The following RNF128 variants were observed in gnomAD, a reference collection of about 807,000 sequenced individuals.
RNF128 encodes E3 ubiquitin-protein ligase RNF128.
In RNF128, 13 loss-of-function variants were observed where a neutral mutation model predicts 26.2. The observed-to-expected ratio is 0.50, with a 90% CI of 0.32 to 0.79. The LOEUF is 0.79. Ranked by LOEUF, RNF128 falls within the 30% of genes least tolerant of loss-of-function variation. RNF128 has a pLI of 0.03. For synonymous variants in RNF128, 149 were observed against 142.5 expected (o/e 1.05, Z -0.32); for missense variants, 315 against 349.7 (o/e 0.90, Z 0.79).
At chrX:106,726,657 G>A (rs1024467456), upstream of RNF128, 4 of 983,171 alleles carry the variant, frequency 4.1e-6, no homozygotes, top group East Asian at 4.6e-5. Context: ...CCAGTCGGCT[G>A]GGCGGAGCTT....
chrX:106,743,310 T>C (rs975216856), intron 1 of RNF128, among the ~76,000 whole-genome samples: 4 of 112,424 alleles, frequency 3.6e-5, no homozygotes, highest in Non-Finnish European at 7.5e-5. Context: ...ACTTTTCTAA[T>C]GGGATCAATG....
chrX:106,705,850 G>T (rs1292777381), intron 1 of RNF128, among the ~76,000 whole-genome samples: 1 of 111,677 alleles, frequency 9.0e-6, no homozygotes, highest in Non-Finnish European at 1.9e-5. Context: ...AAAAAGCCAG[G>T]ATATGCAAAA....
At chrX:106,693,983 T>C (rs770659029) in exon 1 of RNF128, 62 of 1,161,827 alleles carry the variant, frequency 5.3e-5, no homozygotes, top group Middle Eastern at 2.4e-4. Context: ...TCTTAAATTT[T>C]ATACTCAAAT....
exon 1 of RNF128, chrX:106,694,026 T>G: frequency 1.7e-6 from 2 of 1,177,805 alleles, no homozygotes; most frequent in South Asian, 2.0e-5. Flanking sequence ...ATAGGTCCAG[T>G]TTTTTTTGGC....
intron 1 of RNF128, among the ~76,000 whole-genome samples, chrX:106,712,997 C>A (rs1929154601): frequency 9.3e-6 from 1 of 107,326 alleles, no homozygotes; most frequent in Non-Finnish European, 1.9e-5. Flanking sequence ...TCTCCCGCCT[C>A]AGCCACCCCA....
At chrX:106,777,265 A>G (rs963134985) in intron 2 of RNF128, among the ~76,000 whole-genome samples, 2 of 112,184 alleles carry the variant, frequency 1.8e-5, no homozygotes, top group Non-Finnish European at 3.8e-5. Flanking sequence ...TTAGTTCATT[A>G]CTATATTAAA....
intron 2 of RNF128, among the ~76,000 whole-genome samples, chrX:106,783,976 C>T (rs1021552434): frequency 3.6e-5 from 4 of 111,223 alleles, no homozygotes; most frequent in African/African-American, 1.3e-4. Flanking sequence ...CCACGCCCCA[C>T]CTCCAACATT....
intron 1 of RNF128, among the ~76,000 whole-genome samples, chrX:106,761,238 C>T (rs1261775425): frequency 8.9e-6 from 1 of 111,775 alleles, no homozygotes; most frequent in Non-Finnish European, 1.9e-5. Context: ...ATACCATCTC[C>T]CACCAGTCAG....
chrX:106,745,568 C>A (rs1009627545), intron 1 of RNF128, among the ~76,000 whole-genome samples: 1 of 111,732 alleles, frequency 8.9e-6, no homozygotes, highest in Non-Finnish European at 1.9e-5. Flanking sequence ...TCACTTTATA[C>A]AAGGGTATGC....
intron 2 of RNF128, among the ~76,000 whole-genome samples, chrX:106,775,215 C>T (rs1021838290): frequency 1.8e-5 from 2 of 111,464 alleles, no homozygotes; most frequent in Non-Finnish European, 3.8e-5. Context: ...TTTTTATCTG[C>T]GAGGCTGGAA....
intron 1 of RNF128, among the ~76,000 whole-genome samples, chrX:106,719,346 G>A (rs1409598689): frequency 9.1e-6 from 1 of 110,329 alleles, no homozygotes; most frequent in African/African-American, 3.3e-5. Flanking sequence ...TCAGCCTCTC[G>A]AGTACCTGGG....
chrX:106,727,527 A>C, intron 1 of RNF128, 130 bp downstream of exon 1: 6 of 865,244 alleles, frequency 6.9e-6, no homozygotes, highest in Non-Finnish European at 9.7e-6. Flanking sequence ...GTCCCCACGG[A>C]GTGGGGCAGG....
rs757038390 is a variant in RNF128, at chrX:106,694,025, G to GT, written c.31dup (p.Trp11LeufsTer11). On this transcript the variant is annotated frameshift_variant, in exon 1 of 7. Transcript: ENST00000324342. LOFTEE classifies it high-confidence loss of function. ...GCAATGAACCAGGAGAATAGGTCCA[G>GT]TTTTTTTTGGCTCCTTGTAATTTTT... The GT allele has an allele frequency of 3.6e-5, 43 of 1,191,378 alleles. No individual in the cohort carries two copies. Among genetic ancestry groups the GT allele is most frequent in the Middle Eastern group, 2.3e-4 (1 of 4,295 alleles).
chrX:106,786,765 A>C (rs1357844244), intron 3 of RNF128, among the ~76,000 whole-genome samples: 2 of 111,329 alleles, frequency 1.8e-5, no homozygotes, highest in Non-Finnish European at 3.8e-5. Context: ...GTAAGAATAC[A>C]AACAACCTAA....
In RNF128 at chrX:106,771,403, C is replaced by A. The variant is rs546792011; in HGVS notation, c.485-1510C>A. ...TCCTTGAGCTGTGGTGGGCTCCACC[C>A]AGTTTGAGCTTGCCCGCCACTTTGT... On this transcript the variant is annotated intron_variant, in intron 1 of 6. Transcript: ENST00000255499. Among the ~76,000 whole-genome samples the A allele has an allele frequency of 2.7e-5, 3 of 112,590 alleles. No individual in the cohort carries two copies. The South Asian group carries it at 1.1e-3, about 42-fold the overall frequency.
At chrX:106,768,031 A>T (rs1261370405) in intron 1 of RNF128, among the ~76,000 whole-genome samples, 1 of 111,976 alleles carries the variant, frequency 8.9e-6, no homozygotes, top group Non-Finnish European at 1.9e-5. Context: ...TGATTTGCTT[A>T]TGTTGAACCA....
intron 1 of RNF128, among the ~76,000 whole-genome samples, chrX:106,739,156 C>A (rs183672811): frequency 9.1e-6 from 1 of 109,299 alleles, no homozygotes; most frequent in East Asian, 2.9e-4. Flanking sequence ...TTCCTTCCTT[C>A]TTTCTTTCTG....
chrX:106,708,141 C>T (rs760236256), intron 1 of RNF128, among the ~76,000 whole-genome samples: 2 of 112,005 alleles, frequency 1.8e-5, no homozygotes, highest in Admixed American at 9.5e-5. Flanking sequence ...TGGGGTTCCT[C>T]GGCTTGATGA....
chrX:106,714,709 C>T (rs1369384050), intron 1 of RNF128, among the ~76,000 whole-genome samples: 4 of 111,842 alleles, frequency 3.6e-5, no homozygotes, highest in Non-Finnish European at 7.5e-5. Context: ...GGACCTCCGC[C>T]CCGTAACCCC....
Sources: gnomAD v4.1 joint callset for allele counts (sites outside exome capture counted in the v4.1 genomes callset) on GRCh38, gnomAD v4.1.1 for gene constraint, MANE v1.5 for transcripts, NCBI Gene and HGNC (gene_info 2026-07-23, HGNC 2026-07-21) for gene names.